VPS13B: variants seen among roughly 807,000 people sequenced by gnomAD.
VPS13B encodes intermembrane lipid transfer protein VPS13B.
Under a neutral mutation model 426.4 loss-of-function variants are expected in VPS13B, and 285 were observed. That is an observed-to-expected ratio of 0.67 (90% CI 0.61 to 0.74). The LOEUF is 0.74. VPS13B is among the 30% of genes least tolerant of loss of function. VPS13B has a pLI of 0.00. For missense variants in VPS13B, 4,537 were observed against 4,782.6 expected (o/e 0.95, Z 1.51); for synonymous variants, 1,676 against 1,676.4 (o/e 1.00, Z 0.01).
At chr8:99,421,196 C>T (rs531131436) in intron 21 of VPS13B, among the ~76,000 whole-genome samples, 1 of 152,068 alleles carries the variant, frequency 6.6e-6, no homozygotes, top group African/African-American at 2.4e-5. Flanking sequence ...CATATTGTAC[C>T]AAGTTGAATG....
chr8:99,480,717 G>A (rs1258831096), intron 24 of VPS13B, among the ~76,000 whole-genome samples: 3 of 152,088 alleles, frequency 2.0e-5, no homozygotes, highest in African/African-American at 7.2e-5. Context: ...TATCAAATGA[G>A]GATTGACAAT....
intron 19 of VPS13B, among the ~76,000 whole-genome samples, chr8:99,339,798 AT>A (rs774949088): frequency 6.6e-6 from 1 of 152,060 alleles, no homozygotes; most frequent in African/African-American, 2.4e-5. Context: ...GTATAGCTGC[AT>A]TTTTTCCCCC....
intron 54 of VPS13B, among the ~76,000 whole-genome samples, chr8:99,840,576 G>C (rs200950174): frequency 6.6e-6 from 1 of 152,116 alleles, no homozygotes; most frequent in Admixed American, 6.5e-5. Flanking sequence ...CGAATGCATG[G>C]GGTCAATCAG....
chr8:99,799,507 T>C (rs1813019799), intron 43 of VPS13B, among the ~76,000 whole-genome samples: 1 of 152,226 alleles, frequency 6.6e-6, no homozygotes, highest in Non-Finnish European at 1.5e-5. Flanking sequence ...AAATACTTTA[T>C]TTAACCTTTA....
chr8:99,746,019 CTT>C (rs1042149978), intron 39 of VPS13B, among the ~76,000 whole-genome samples: 68 of 152,062 alleles, frequency 4.5e-4, no homozygotes, highest in African/African-American at 1.5e-3. Context: ...TCTTAAGTCT[CTT>C]TTAATCAGTA....
intron 17 of VPS13B, among the ~76,000 whole-genome samples, chr8:99,229,346 A>C (rs1307981457): frequency 2.0e-5 from 3 of 152,218 alleles, no homozygotes; most frequent in Admixed American, 6.5e-5. Flanking sequence ...CCTTGGCTGA[A>C]AAGCTGAAGT....
intron 30 of VPS13B, among the ~76,000 whole-genome samples, chr8:99,555,510 T>C (rs1467213870): frequency 6.6e-6 from 1 of 152,166 alleles, no homozygotes; most frequent in Non-Finnish European, 1.5e-5. Context: ...ATTTCAACTT[T>C]TCTTCTGATA....
intron 17 of VPS13B, among the ~76,000 whole-genome samples, chr8:99,204,359 C>A (rs1384914178): frequency 6.6e-6 from 1 of 152,178 alleles, no homozygotes; most frequent in East Asian, 1.9e-4. Context: ...AAAATTAACT[C>A]AAGATGGATT....
chr8:99,494,319 A>G (rs540549060), intron 25 of VPS13B, among the ~76,000 whole-genome samples: 1 of 152,234 alleles, frequency 6.6e-6, no homozygotes, highest in East Asian at 1.9e-4. Flanking sequence ...TTAATATTAA[A>G]TCTTCCAATG....
intron 39 of VPS13B, among the ~76,000 whole-genome samples, chr8:99,739,395 G>A (rs1299520989): frequency 2.0e-5 from 3 of 152,210 alleles, no homozygotes; most frequent in Non-Finnish European, 4.4e-5. Context: ...CCACCTCTGG[G>A]GGCAGGGCAT....
chr8:99,479,091 T>A (rs1426246822), intron 24 of VPS13B, among the ~76,000 whole-genome samples: 1 of 147,520 alleles, frequency 6.8e-6, no homozygotes, highest in Non-Finnish European at 1.5e-5. Context: ...AAATGGGCCC[T>A]TCCTCTCTAG....
intron 20 of VPS13B, among the ~76,000 whole-genome samples, chr8:99,385,524 C>G (rs1814068300): frequency 6.6e-6 from 1 of 152,132 alleles, no homozygotes; most frequent in Non-Finnish European, 1.5e-5. Flanking sequence ...ATACCTGTCC[C>G]CATTTTTCCT....
intron 13 of VPS13B, among the ~76,000 whole-genome samples, chr8:99,146,475 T>C (rs375003329): frequency 1.6e-4 from 24 of 152,318 alleles, no homozygotes; most frequent in African/African-American, 5.3e-4. Flanking sequence ...GGAGAAGTTA[T>C]TCATTTTGGT....
chr8:99,669,871 G>A lies in VPS13B; in HGVS notation c.6046+8380G>A, dbSNP rs1588608772. On this transcript the variant is annotated intron_variant, in intron 35 of 61. Coordinates refer to ENST00000357162, the MANE Select transcript of VPS13B (RefSeq NM_152564.5). ...TATGGATTAATGTAACTATTTTATA[G>A]GTTACAATGATTTTCATTTCTACTT... 3.3e-5 allele frequency among the ~76,000 whole-genome samples: 5 copies of A among 151,894 alleles called. No individual in the cohort carries two copies. In the South Asian group the frequency reaches 1.0e-3, roughly 32 times the overall value.
chr8:99,724,577 A>C (rs529802420), intron 39 of VPS13B, among the ~76,000 whole-genome samples: 14 of 152,228 alleles, frequency 9.2e-5, no homozygotes, highest in African/African-American at 3.4e-4. Context: ...AGTTTCCTCA[A>C]CTGAACATTG....
Position 99,778,846 on chromosome 8 carries a change from CTAGAGTGCA to C in VPS13B, c.7595_7603del (p.Leu2532_Cys2534del). ...CTTAGCTCAAGCAGACTGTAAACTT[CTAGAGTGCA>C]GAAATGTCACTATGCAAAGTGTGGT... On this transcript the variant is annotated inframe_deletion, in exon 42 of 62. Transcript: ENST00000357162. 1 of 1,614,042 alleles carries C rather than the reference CTAGAGTGCA, an allele frequency of 6.2e-7. No homozygotes were observed. The highest frequency in any genetic ancestry group is 1.1e-5 in the South Asian group (1 of 91,090).
intron 34 of VPS13B, among the ~76,000 whole-genome samples, chr8:99,652,996 G>A (rs1829884040): frequency 6.6e-6 from 1 of 152,166 alleles, no homozygotes; most frequent in Non-Finnish European, 1.5e-5. Flanking sequence ...AATATTATAT[G>A]AGGAAGGGTA....
rs1329563142 is a variant in VPS13B at position 99,156,892 on chromosome 8, AAATT to A, written c.2208+152_2208+155del. The A allele has an allele frequency of 1.3e-5, 8 of 633,904 alleles. No individual in the cohort carries two copies. In the Admixed American group the frequency reaches 2.9e-4, roughly 23 times the overall value. 39.3% of individuals were successfully genotyped at this position (633,904 alleles called of 1,614,324 possible). ...AGAAATAAGATGTATTTATTCCAATAAATTAAAGTAAGTAATAAAAATATACTTA... is the reference window on the plus strand; with the variant it reads ...AGAAATAAGATGTATTTATTCCAATAAAAGTAAGTAATAAAAATATACTTA... On this transcript the variant is annotated intron_variant, in intron 15 of 61. Coordinates refer to ENST00000357162, the MANE Select transcript of VPS13B (RefSeq NM_152564.5).
At chr8:99,314,767 G>T (rs1005094941) in intron 19 of VPS13B, among the ~76,000 whole-genome samples, 13 of 152,238 alleles carry the variant, frequency 8.5e-5, no homozygotes, top group South Asian at 2.1e-4. Flanking sequence ...CCATTTTAGA[G>T]CTAATGATAT....
Sources: gnomAD v4.1 joint callset for allele counts (sites outside exome capture counted in the v4.1 genomes callset) on GRCh38, gnomAD v4.1.1 for gene constraint, MANE v1.5 for transcripts, NCBI Gene and HGNC (gene_info 2026-07-23, HGNC 2026-07-21) for gene names.